Variants in RAI2 observed in about 807,000 individuals in gnomAD.
RAI2 encodes retinoic acid-induced protein 2.
In RAI2, 5 loss-of-function variants were observed where a neutral mutation model predicts 15.3. The ratio of observed to expected loss-of-function variants is 0.33; its 90% CI spans 0.17 to 0.69. RAI2 has a LOEUF of 0.69. Among genes scored for constraint, RAI2 ranks in the 30% least tolerant of loss-of-function variants. The pLI, the probability that RAI2 is intolerant of heterozygous loss-of-function variation, is 0.69. For missense variants in RAI2, 424 were observed against 424.7 expected, an observed-to-expected ratio of 1.00 and a Z score of 0.01; for synonymous variants, 191 against 184.0, an observed-to-expected ratio of 1.04 and a Z score of -0.31.
At chrX:17,832,486 G>A (rs754352451) in intron 1 of RAI2, among the ~76,000 whole-genome samples, 1 of 111,890 alleles carries the variant, frequency 8.9e-6, no homozygotes, top group Non-Finnish European at 1.9e-5. Context: ...TCTGCCCAAC[G>A]ACAAATGACT....
At chrX:17,846,484 A>G (rs1363440411) in intron 1 of RAI2, among the ~76,000 whole-genome samples, 1 of 112,078 alleles carries the variant, frequency 8.9e-6, no homozygotes, top group Non-Finnish European at 1.9e-5. Flanking sequence ...AAGCGTATGT[A>G]TTTGTGAAGT....
At chrX:17,852,610 C>T (rs1161624447) in intron 1 of RAI2, among the ~76,000 whole-genome samples, 3 of 111,589 alleles carry the variant, frequency 2.7e-5, no homozygotes, top group East Asian at 2.8e-4. Context: ...ATGGTTTGCC[C>T]GCATGACACC....
intron 1 of RAI2, among the ~76,000 whole-genome samples, chrX:17,824,540 G>C (rs1299196635): frequency 8.9e-6 from 1 of 112,007 alleles, no homozygotes; most frequent in Non-Finnish European, 1.9e-5. Flanking sequence ...AGTCCTGCCA[G>C]CCAGTCAGTT....
At position 17,808,167 on chromosome X, in the gene RAI2, C is replaced by G. The variant is rs1325290207; in HGVS notation, c.-24-6133G>C. 2.7e-5 allele frequency among the ~76,000 whole-genome samples: 3 copies of G among 111,394 alleles called. No homozygotes were observed. The East Asian group carries it at 8.4e-4, about 31-fold the overall frequency. On this transcript the variant is annotated intron_variant, in intron 1 of 1. Transcript: ENST00000451717. ...CAAGACAATTCTTCTTCCAATGTGG[C>G]CCAGGGAAGCCAAAAGATTGAATAC...
At chrX:17,806,093 A>C (rs2066977925) in intron 1 of RAI2, among the ~76,000 whole-genome samples, 1 of 111,641 alleles carries the variant, frequency 9.0e-6, no homozygotes, top group Non-Finnish European at 1.9e-5. Context: ...AGCCTCGGCG[A>C]TGCCCTAAGA....
rs776638616 is a variant in RAI2 at position 17,801,410 on chromosome X, G to T, written c.601C>A (p.Pro201Thr). ...TAGCCAGGAGGAGGCTGACAGGGTG[G>T]GGGCCCGAGAGTGCCCTGGGAGGGA... ...LFPSQGTLGP[P>T]PCQPPPGYAP... The change falls in exon 2 of 2, where the codon CCA (proline) becomes ACA (threonine). Residue 201 changes from proline to threonine, a missense_variant. By Grantham distance (38) the Pro-to-Thr change is conservative. Transcript: ENST00000451717. 11 of 1,154,829 alleles carry T rather than the reference G, an allele frequency of 9.5e-6. No homozygotes were observed. In the South Asian group the frequency reaches 2.1e-4, roughly 22 times the overall value.
In RAI2 at chrX:17,819,558, A is replaced by G. The variant is rs187108287; in HGVS notation, c.-24-17524T>C. On this transcript the variant is annotated intron_variant, in intron 1 of 1. Coordinates refer to ENST00000451717, the MANE Select transcript of RAI2 (RefSeq NM_021785.6). ...TCAGATGTTCATTGCAGTCCTATTC[A>G]TGAGAACCACAAAATGGAAGCAACC... Among the ~76,000 whole-genome samples, 11 of 112,716 alleles carry G rather than the reference A, an allele frequency of 9.8e-5. No homozygotes were observed. In the Admixed American group the frequency reaches 1.0e-3, roughly 11 times the overall value.
At chrX:17,818,458 A>G (rs931815164) in intron 1 of RAI2, among the ~76,000 whole-genome samples, 1 of 111,868 alleles carries the variant, frequency 8.9e-6, no homozygotes, top group African/African-American at 3.3e-5. Flanking sequence ...AGTTCCAGTT[A>G]TCTCTTCATC....
chrX:17,829,375 T>C (rs866431396), intron 1 of RAI2, among the ~76,000 whole-genome samples: 1 of 109,920 alleles, frequency 9.1e-6, no homozygotes, highest in Non-Finnish European at 1.9e-5. Flanking sequence ...GGGCTAATGA[T>C]TGAAATCACC....
chrX:17,830,504 G>GT (rs1336243112), intron 1 of RAI2, among the ~76,000 whole-genome samples: 68 of 99,335 alleles, frequency 6.8e-4, no homozygotes, highest in African/African-American at 8.0e-4. Context: ...TTTTGTTGTT[G>GT]TTTTTTTTTT....
At chrX:17,818,974 C>A (rs1163636498) in intron 1 of RAI2, among the ~76,000 whole-genome samples, 1 of 112,363 alleles carries the variant, frequency 8.9e-6, no homozygotes, top group Non-Finnish European at 1.9e-5. Context: ...GAGACTTGTC[C>A]TGTGGCTATC....
chrX:17,819,001 TG>T (rs1331826491), intron 1 of RAI2, among the ~76,000 whole-genome samples: 1 of 111,633 alleles, frequency 9.0e-6, no homozygotes, highest in Non-Finnish European at 1.9e-5. Flanking sequence ...TGATTCAGAG[TG>T]TTCCCTGCGC....
chrX:17,845,286 T>G (rs2067442380), intron 1 of RAI2, among the ~76,000 whole-genome samples: 1 of 112,837 alleles, frequency 8.9e-6, no homozygotes, highest in African/African-American at 3.2e-5. Context: ...ATCTTATTCT[T>G]GCCTTTTTCA....
rs2066886455 is a variant in RAI2, at chrX:17,800,400, A to C, written c.*18T>G. On this transcript the variant is annotated 3_prime_UTR_variant, in exon 2 of 2. Transcript: ENST00000451717. Reference sequence around the variant, plus strand: ...CTTTCCCCATATTATAATCATACAAATTTTAAAAAGCCGTTATTTACTTTC... The same window carrying C: ...CTTTCCCCATATTATAATCATACAACTTTTAAAAAGCCGTTATTTACTTTC... 8.6e-7 allele frequency: 1 copy of C among 1,164,443 alleles called. No homozygotes were observed.
At chrX:17,857,388 C>T (rs1246693474) in intron 1 of RAI2, among the ~76,000 whole-genome samples, 2 of 111,729 alleles carry the variant, frequency 1.8e-5, no homozygotes, top group Non-Finnish European at 3.8e-5. Context: ...CTTGCTTTAA[C>T]GATACATTTG....
intron 1 of RAI2, among the ~76,000 whole-genome samples, chrX:17,852,414 TA>T (rs778184361): frequency 9.8e-5 from 11 of 112,035 alleles, no homozygotes; most frequent in Non-Finnish European, 1.5e-4. Context: ...TGAAGTGGCC[TA>T]TGTTGACTTC....
chrX:17,802,137 C>T (rs1209739022), intron 1 of RAI2, 103 bp from the exon 2 acceptor site: 1 of 982,098 alleles, frequency 1.0e-6, no homozygotes, highest in Non-Finnish European at 1.4e-6. Context: ...TTTAGTTAAC[C>T]AGGGAGCATA....
chrX:17,846,273 G>C (rs2038394587), intron 1 of RAI2, among the ~76,000 whole-genome samples: 1 of 111,377 alleles, frequency 9.0e-6, no homozygotes, highest in Non-Finnish European at 1.9e-5. Context: ...ACCATGGTTT[G>C]CCCAGGACTG....
At position 17,800,241 on chromosome X, in the gene RAI2, CAAAAATTAAAAAAG is replaced by C. The variant is rs1569339216; in HGVS notation, c.*163_*176del. On this transcript the variant is annotated 3_prime_UTR_variant, in exon 2 of 2. Coordinates refer to ENST00000451717, the MANE Select transcript of RAI2 (RefSeq NM_021785.6). ...TCTTATTTACTCATTTGTGAAAAGTCAAAAATTAAAAAAGAAAATGATACTAGCATACAGGGCCT... is the reference window on the plus strand; with the variant it reads ...TCTTATTTACTCATTTGTGAAAAGTCAAAATGATACTAGCATACAGGGCCT... 1 of 611,665 alleles carries C rather than the reference CAAAAATTAAAAAAG, an allele frequency of 1.6e-6. No homozygotes were observed. 50.4% of individuals were successfully genotyped at this position (611,665 alleles called of 1,213,427 possible). A position where few individuals can be genotyped will look rare whatever the true frequency, so the allele number is the denominator to read the frequency against.
Sources: allele counts gnomAD v4.1 joint callset (sites outside exome capture counted in the v4.1 genomes callset), GRCh38; gene constraint gnomAD v4.1.1; transcripts MANE v1.5; gene names NCBI Gene and HGNC (gene_info 2026-07-23, HGNC 2026-07-21).